The following TTK variants were observed in gnomAD, a reference collection of about 807,000 sequenced individuals.
The protein encoded by TTK is dual specificity protein kinase TTK.
A neutral mutation model predicts 117.3 loss-of-function variants in TTK; 59 were observed. That is an observed-to-expected ratio of 0.50 (90% CI 0.41 to 0.62). The LOEUF is 0.62. TTK is among the 20% of genes least tolerant of loss of function. The pLI is 0.00. For synonymous variants in TTK, 302 were observed against 325.0 expected (o/e 0.93, Z 0.76); for missense variants, 921 against 989.4 (o/e 0.93, Z 0.93).
In TTK at chr6:80,010,908, C is replaced by G. The variant is rs750685395; in HGVS notation, c.564C>G (p.Asn188Lys). 3 of 1,611,740 alleles carry G rather than the reference C, an allele frequency of 1.9e-6. No homozygotes were observed. The highest frequency in any genetic ancestry group is 2.5e-6 in the Non-Finnish European group (3 of 1,178,458). Residue 188 changes from asparagine to lysine, a missense_variant, in exon 5 of 22, where the codon AAC becomes AAG. Physicochemically the swap from Asn to Lys is moderately conservative, Grantham distance 94. Transcript: ENST00000369798. The stretch of plus-strand genomic sequence containing the variant: ...TGGAAATTGCCCTGCGGAATTTAAA[C>G]CTCCAAAAAAAGCAGCTGCTTTCAG... ...EMLEIALRNL[N>K]LQKKQLLSEE... is the part of the protein sequence containing the mutation.
chr6:80,035,705 C>G (rs1767888808), intron 16 of TTK, among the ~76,000 whole-genome samples: 2 of 152,054 alleles, frequency 1.3e-5, no homozygotes, highest in African/African-American at 2.4e-5. Flanking sequence ...TGGATTATAG[C>G]AGGTCTAAGA....
rs958173948 is a variant in TTK, at chr6:80,010,247, G to C, written c.470-567G>C. Among the ~76,000 whole-genome samples the C allele has an allele frequency of 2.6e-5, 4 of 152,000 alleles. No homozygotes were observed. In the South Asian group the frequency reaches 6.2e-4, roughly 24 times the overall value. On this transcript the variant is annotated intron_variant, in intron 4 of 21. Coordinates refer to ENST00000369798, the MANE Select transcript of TTK (RefSeq NM_003318.5). ...ATTATGATAGTTCCTCAGTTATTCT[G>C]CATTCTTTTTCAGGCTGGTATAGCT...
In TTK at chr6:80,007,991, A is replaced by ACTCG; in HGVS notation, c.322_323insCTCG (p.Ser108ThrfsTer5). ...CCCAGATAAATATGGCCAAAATGAG[A>ACTCG]GTTTTGCTAGAATTCAAGTGAGATT... On this transcript the variant is annotated frameshift_variant, in exon 3 of 22. Transcript: ENST00000369798. LOFTEE classifies it high-confidence loss of function. The ACTCG allele has an allele frequency of 6.3e-6, 10 of 1,591,546 alleles. No homozygotes were observed. The highest frequency in any genetic ancestry group is 8.6e-6 in the Non-Finnish European group (10 of 1,159,956).
At chr6:80,040,804 G>A (rs980028301) in intron 21 of TTK, 101 bp downstream of exon 21, 5 of 945,930 alleles carry the variant, frequency 5.3e-6, no homozygotes, top group Admixed American at 5.1e-5. Context: ...CCAATCATCA[G>A]ATCAGTTATG....
chr6:80,038,293 C>G (rs1582115852), intron 18 of TTK, among the ~76,000 whole-genome samples: 1 of 152,140 alleles, frequency 6.6e-6, no homozygotes, highest in Non-Finnish European at 1.5e-5. Context: ...GGCTACTTTT[C>G]CACTGACTTT....
intron 16 of TTK, 64 bp downstream of exon 16, chr6:80,035,481 AATATACCT>A: frequency 6.9e-7 from 1 of 1,457,344 alleles, no homozygotes; most frequent in Non-Finnish European, 9.1e-7. Flanking sequence ...ATCTTAGAGA[AATATACCT>A]ATAATTTTAG....
chr6:80,014,637 T>A (rs769336792), intron 10 of TTK, 51 bp downstream of exon 10: 3 of 1,520,744 alleles, frequency 2.0e-6, no homozygotes, highest in Non-Finnish European at 2.6e-6. Context: ...GAAAACCACT[T>A]GATAGCTTAA....
rs1183722984 is a variant in TTK, at chr6:80,022,235, CAT to C, written c.1109-85_1109-84del. 4.5e-6 allele frequency: 6 copies of C among 1,341,256 alleles called. No homozygotes were observed. The African/African-American group carries it at 8.8e-5, about 20-fold the overall frequency. The allele number at this position is 1,341,256 out of a possible 1,614,324, so 83.1% of individuals were successfully genotyped here. A position where few individuals can be genotyped will look rare whatever the true frequency, so the allele number is the denominator to read the frequency against. On this transcript the variant is annotated intron_variant, in intron 10 of 21. Transcript: ENST00000369798. ...TGATTGTTTTTAAGAACTAAATACT[CAT>C]ATAGTTTGTAATATGTTCTGTTGTT...
rs200717583 is a variant in TTK at position 80,020,066 on chromosome 6, G to A, written c.1109-2258G>A. ...TATACATGTATGTACATATAAACAT[G>A]TCTAAACATGTATACATACAGGCAC... is the stretch of plus-strand genomic sequence containing the variant. On this transcript the variant is annotated intron_variant, in intron 10 of 21. Transcript: ENST00000369798. Among the ~76,000 whole-genome samples, 31 of 70,180 alleles carry A rather than the reference G, an allele frequency of 4.4e-4. 1 individual carries two copies. The South Asian group carries it at 4.7e-3, about 11-fold the overall frequency. The allele number at this position is 70,180 out of a possible 152,430, so 46.0% of individuals were successfully genotyped here.
intron 5 of TTK, 33 bp downstream of exon 5, chr6:80,010,990 G>T: frequency 1.3e-6 from 2 of 1,580,368 alleles, no homozygotes; most frequent in Non-Finnish European, 8.6e-7. Context: ...ACTTTCTGTG[G>T]TAGGTAGTAC....
intron 1 of TTK, among the ~76,000 whole-genome samples, chr6:80,005,206 A>G (rs1279134226): frequency 6.6e-6 from 1 of 151,720 alleles, no homozygotes; most frequent in Admixed American, 6.6e-5. Flanking sequence ...GATACGATTA[A>G]CAATAAGACT....
Position 80,026,366 on chromosome 6 carries a change from A to G in TTK, c.1258-12A>G, listed in dbSNP as rs369500750. ...TAAAAACTAAATCATGGTGTTCTTT[A>G]TTTTGTTTTAGCAGAAACATACCAC... On this transcript the variant is annotated splice_polypyrimidine_tract_variant and intron_variant, in intron 11 of 21. Coordinates refer to ENST00000369798, the MANE Select transcript of TTK (RefSeq NM_003318.5). 5 of 1,603,874 alleles carry G rather than the reference A, an allele frequency of 3.1e-6. No individual in the cohort carries two copies. The highest frequency in any genetic ancestry group is 1.1e-5 in the South Asian group (1 of 88,494).
Position 80,031,548 on chromosome 6 carries a change from G to C in TTK, c.1603G>C (p.Gly535Arg). 1 of 1,518,254 alleles carries C rather than the reference G, an allele frequency of 6.6e-7. No individual in the cohort carries two copies. The highest frequency in any genetic ancestry group is 1.4e-5 in the South Asian group (1 of 72,388). 94.0% of individuals were successfully genotyped at this position (1,518,254 alleles called of 1,614,324 possible). Residue 535 changes from glycine (G) to arginine (R), a missense_variant, in exon 14 of 22, where the codon GGT (glycine) becomes CGT (arginine). Physicochemically the swap from Gly to Arg is moderately radical, Grantham distance 125. Coordinates refer to ENST00000369798, the MANE Select transcript of TTK (RefSeq NM_003318.5). The part of the protein sequence containing the change: ...YSILKQIGSG[G>R]SSKVFQVLNE... ...CATATTAAAGCAGATAGGAAGTGGA[G>C]GTTCAAGCAAGGTAAGTATCTTAAA...
chr6:80,032,060 C>T (rs1027466354), intron 14 of TTK, among the ~76,000 whole-genome samples: 2 of 152,134 alleles, frequency 1.3e-5, no homozygotes, highest in African/African-American at 4.8e-5. Flanking sequence ...TTTTACATCT[C>T]TGGATAGAAG....
At chr6:80,024,395 C>T (rs955978812) in intron 11 of TTK, among the ~76,000 whole-genome samples, 2 of 152,120 alleles carry the variant, frequency 1.3e-5, no homozygotes, top group Non-Finnish European at 2.9e-5. Context: ...TGTGGTACAT[C>T]CATACAATGG....
chr6:80,005,709 A>C (rs1766973023), intron 1 of TTK, 133 bp from the exon 2 acceptor site: 1 of 924,532 alleles, frequency 1.1e-6, no homozygotes, highest in Non-Finnish European at 1.6e-6. Flanking sequence ...CATTAATACT[A>C]GCCTAATAAT....
intron 11 of TTK, among the ~76,000 whole-genome samples, chr6:80,023,585 T>TCTAATTTTCC (rs1414895220): frequency 1.3e-5 from 2 of 152,092 alleles, no homozygotes; most frequent in African/African-American, 4.8e-5. Flanking sequence ...AGAGCGAGAC[T>TCTAATTTTCC]CTGTCTCAAA....
intron 2 of TTK, among the ~76,000 whole-genome samples, chr6:80,007,000 T>C (rs1010331071): frequency 2.6e-5 from 4 of 152,166 alleles, no homozygotes; most frequent in Non-Finnish European, 4.4e-5. Context: ...CAAAATATCC[T>C]GAACAGAAGA....
chr6:80,033,472 C>T (rs1436040832), intron 14 of TTK, among the ~76,000 whole-genome samples: 1 of 152,148 alleles, frequency 6.6e-6, no homozygotes, highest in Non-Finnish European at 1.5e-5. Flanking sequence ...TCCCTCTGCA[C>T]TTGAATGTGA....
Sources: gnomAD v4.1 joint callset for allele counts (sites outside exome capture counted in the v4.1 genomes callset) on GRCh38, gnomAD v4.1.1 for gene constraint, MANE v1.5 for transcripts, NCBI Gene and HGNC (gene_info 2026-07-23, HGNC 2026-07-21) for gene names.